Variants in SEPTIN6 observed in about 807,000 individuals in gnomAD.
The protein encoded by SEPTIN6 is septin 6.
In SEPTIN6, 8 loss-of-function variants were observed where a neutral mutation model predicts 33.6. The ratio of observed to expected loss-of-function variants is 0.24; its 90% CI spans 0.14 to 0.43. SEPTIN6 has a LOEUF of 0.43. SEPTIN6 is among the 20% of genes least tolerant of loss of function. SEPTIN6 has a pLI of 1.00. For missense variants in SEPTIN6, 250 were observed against 340.8 expected (o/e 0.73, Z 2.10); for synonymous variants, 131 against 140.0 (o/e 0.94, Z 0.45).
At chrX:119,657,472 G>A (rs1268686160) in intron 3 of SEPTIN6, among the ~76,000 whole-genome samples, 1 of 110,523 alleles carries the variant, frequency 9.0e-6, no homozygotes, top group Non-Finnish European at 1.9e-5. Flanking sequence ...TCCCCCTCTA[G>A]ACATGGCCTT....
intron 1 of SEPTIN6, among the ~76,000 whole-genome samples, chrX:119,683,245 T>C (rs1285702734): frequency 8.9e-6 from 1 of 111,974 alleles, no homozygotes; most frequent in African/African-American, 3.2e-5. Flanking sequence ...AGAGGGAGAC[T>C]CTGTCTCAAA....
intron 3 of SEPTIN6, 29 bp downstream of exon 3, chrX:119,663,453 A>AACCC: frequency 2.0e-5 from 6 of 293,583 alleles, no homozygotes; most frequent in Non-Finnish European, 3.0e-5. Flanking sequence ...CAACCTCCCC[A>AACCC]CCCTACCCCA....
At chrX:119,658,292 C>T (rs2030663290) in intron 3 of SEPTIN6, among the ~76,000 whole-genome samples, 1 of 111,648 alleles carries the variant, frequency 9.0e-6, no homozygotes, top group Non-Finnish European at 1.9e-5. Flanking sequence ...GACACCGCAT[C>T]GTGATCATTC....
At chrX:119,646,338 A>C (rs1188206373) in intron 5 of SEPTIN6, among the ~76,000 whole-genome samples, 1 of 111,769 alleles carries the variant, frequency 8.9e-6, no homozygotes, top group Non-Finnish European at 1.9e-5. Context: ...CCCAAATGTC[A>C]ATTGCCTTTG....
chrX:119,623,667 G>C (rs1358193928), intron 10 of SEPTIN6, among the ~76,000 whole-genome samples: 2 of 111,659 alleles, frequency 1.8e-5, no homozygotes, highest in East Asian at 2.8e-4. Context: ...GGTGAAACCC[G>C]GTCTCTGCTA....
chrX:119,654,929 G>A (rs1355049674), intron 3 of SEPTIN6, among the ~76,000 whole-genome samples: 1 of 111,631 alleles, frequency 9.0e-6, no homozygotes, highest in Non-Finnish European at 1.9e-5. Context: ...GAGTGAGGGT[G>A]GGGAATGTAT....
At chrX:119,642,005 A>C (rs2054165086) in intron 5 of SEPTIN6, among the ~76,000 whole-genome samples, 1 of 111,121 alleles carries the variant, frequency 9.0e-6, no homozygotes, top group South Asian at 3.8e-4. Flanking sequence ...GAATGACGTA[A>C]TAGCAAAAAA....
chrX:119,634,079 GAGAT>G (rs1196688683), intron 7 of SEPTIN6, among the ~76,000 whole-genome samples: 3 of 111,805 alleles, frequency 2.7e-5, no homozygotes, highest in African/African-American at 9.8e-5. Flanking sequence ...AAAGAAATAG[GAGAT>G]AGGCTGGGTG....
At chrX:119,661,757 G>T (rs1293491755) in intron 3 of SEPTIN6, among the ~76,000 whole-genome samples, 10 of 109,455 alleles carry the variant, frequency 9.1e-5, no homozygotes, top group African/African-American at 3.3e-4. Context: ...GTTTTGTTTT[G>T]AGACAGAGTC....
At chrX:119,692,873 C>T (rs747255561) in intron 1 of SEPTIN6, among the ~76,000 whole-genome samples, 2 of 112,590 alleles carry the variant, frequency 1.8e-5, no homozygotes, top group African/African-American at 3.2e-5. Context: ...CCCCCTGCCG[C>T]CCCCCGCCCC....
intron 9 of SEPTIN6, among the ~76,000 whole-genome samples, chrX:119,627,133 T>C (rs2053868708): frequency 9.0e-6 from 1 of 111,658 alleles, no homozygotes; most frequent in African/African-American, 3.3e-5. Context: ...TTCTTCCTTC[T>C]GGCAAAAATA....
intron 1 of SEPTIN6, among the ~76,000 whole-genome samples, chrX:119,684,781 G>A (rs1464140915): frequency 2.7e-5 from 3 of 111,571 alleles, no homozygotes; most frequent in Non-Finnish European, 5.6e-5. Context: ...GTGAGCCCCC[G>A]CACACAGCCA....
intron 5 of SEPTIN6, among the ~76,000 whole-genome samples, chrX:119,644,407 T>TTA (rs201584131): frequency 1.0e-5 from 1 of 96,498 alleles, no homozygotes; most frequent in Non-Finnish European, 2.1e-5. Flanking sequence ...AGAAATTTAT[T>TTA]CAAAAAAAAA....
At chrX:119,687,297 A>C (rs534099193) in intron 1 of SEPTIN6, among the ~76,000 whole-genome samples, 183 of 96,943 alleles carry the variant, frequency 1.9e-3, no homozygotes, top group South Asian at 2.5e-3. Flanking sequence ...GTCGCCCAGG[A>C]TGGAGTGCAG....
At chrX:119,676,222 G>A (rs182454827) in intron 1 of SEPTIN6, among the ~76,000 whole-genome samples, 2,130 of 111,917 alleles carry the variant, frequency 0.019, 31 homozygotes, top group Admixed American at 0.028. Context: ...AGCACTTTGG[G>A]AGGCCAAGGC....
intron 10 of SEPTIN6, chrX:119,624,029 T>A (rs746692299): frequency 3.0e-5 from 10 of 335,766 alleles, no homozygotes; most frequent in African/African-American, 1.3e-4. Flanking sequence ...TCAGGAATCC[T>A]TACCTGCTGA....
In SEPTIN6 at chrX:119,650,062, T is replaced by G; in HGVS notation, c.565A>C (p.Ile189Leu). 8.3e-7 allele frequency: 1 copy of G among 1,211,392 alleles called. No individual in the cohort carries two copies. Residue 189 changes from isoleucine to leucine, a missense_variant, in exon 5 of 11, where the codon ATT becomes CTT. Physicochemically the swap from Ile to Leu is conservative, Grantham distance 5 (BLOSUM62 2). Transcript: ENST00000394610. ...IIPIIAKADA[I>L]SKSELTKFKI... is the part of the protein sequence containing the mutation. ...AACTTTGTTAGCTCACTCTTCGAAATGGCATCTGCTTTGGCAATGATGGGG... is the reference window on the plus strand; with the variant it reads ...AACTTTGTTAGCTCACTCTTCGAAAGGGCATCTGCTTTGGCAATGATGGGG...
intron 2 of SEPTIN6, among the ~76,000 whole-genome samples, chrX:119,666,518 GGAGA>G (rs748190954): frequency 9.0e-5 from 10 of 111,344 alleles, no homozygotes; most frequent in Admixed American, 3.8e-4. Context: ...CAGAGAGAAG[GGAGA>G]GAGAGAGAAG....
chrX:119,639,711 T>G, intron 6 of SEPTIN6, among the ~76,000 whole-genome samples: 1 of 111,950 alleles, frequency 8.9e-6, no homozygotes, highest in East Asian at 2.8e-4. Flanking sequence ...TGTTTTTCTT[T>G]ATAGTTTTAC....
Sources: allele counts gnomAD v4.1 joint callset (sites outside exome capture counted in the v4.1 genomes callset), GRCh38; gene constraint gnomAD v4.1.1; transcripts MANE v1.5; gene names NCBI Gene and HGNC (gene_info 2026-07-23, HGNC 2026-07-21).